PCYT1B: variants seen among roughly 807,000 people sequenced by gnomAD.
PCYT1B encodes the protein choline-phosphate cytidylyltransferase B.
Under a neutral mutation model 26.4 loss-of-function variants are expected in PCYT1B, and 10 were observed. The observed-to-expected ratio is 0.38, with a 90% CI of 0.23 to 0.64. The LOEUF is 0.64. PCYT1B is among the 30% of genes least tolerant of loss of function. PCYT1B has a pLI of 0.56. For missense variants in PCYT1B, 161 were observed against 292.7 expected (o/e 0.55, Z 3.28); for synonymous variants, 131 against 108.4 (o/e 1.21, Z -1.29).
intron 1 of PCYT1B, among the ~76,000 whole-genome samples, chrX:24,639,012 C>T (rs1926384881): frequency 8.9e-6 from 1 of 112,811 alleles, no homozygotes; most frequent in Admixed American, 9.4e-5. Context: ...GTGGTTTGTA[C>T]AACATCAATG....
intron 1 of PCYT1B, among the ~76,000 whole-genome samples, chrX:24,645,665 T>C (rs548990396): frequency 5.3e-5 from 6 of 112,243 alleles, no homozygotes; most frequent in African/African-American, 1.6e-4. Flanking sequence ...ATTGGGATGG[T>C]TTGTATCTCA....
intron 5 of PCYT1B, among the ~76,000 whole-genome samples, chrX:24,581,829 A>G (rs867271479): frequency 7.6e-4 from 85 of 112,243 alleles, no homozygotes; most frequent in African/African-American, 2.5e-3. Context: ...TGCAGCCCCA[A>G]TGAGGGTGTC....
intron 1 of PCYT1B, among the ~76,000 whole-genome samples, chrX:24,665,286 A>C (rs868657230): frequency 2.6e-5 from 2 of 76,958 alleles, no homozygotes; most frequent in Non-Finnish European, 6.3e-5. Flanking sequence ...TACTCATTTT[A>C]TTTTTCTTTT....
intron 1 of PCYT1B, among the ~76,000 whole-genome samples, chrX:24,622,343 TA>T (rs924928092): frequency 9.1e-6 from 1 of 110,195 alleles, no homozygotes; most frequent in South Asian, 3.9e-4. Flanking sequence ...AGATTACAAT[TA>T]AAAAAAAACT....
In PCYT1B at chrX:24,560,611, C is replaced by T. The variant is rs1304090962; in HGVS notation, c.*1682G>A. 8.9e-6 allele frequency: 1 copy of T among 112,020 alleles called. No individual in the cohort carries two copies. The allele number at this position is 112,020 out of a possible 1,213,427, so 9.2% of individuals were successfully genotyped here. A position where few individuals can be genotyped will look rare whatever the true frequency, so the allele number is the denominator to read the frequency against. ...CCTCATAGTTTTGCTTCACAGCAGA[C>T]AGCACTCATCTCCAAGTGGATAGGG... On this transcript the variant is annotated 3_prime_UTR_variant, in exon 8 of 8. Coordinates refer to ENST00000379144, the MANE Select transcript of PCYT1B (RefSeq NM_004845.5).
intron 6 of PCYT1B, 43 bp from the exon 7 acceptor site, chrX:24,575,361 G>A: frequency 1.1e-6 from 1 of 932,845 alleles, no homozygotes. Flanking sequence ...ATTTATCCAA[G>A]AGGACATGAG....
chrX:24,661,481 T>C (rs1192563900), intron 1 of PCYT1B, among the ~76,000 whole-genome samples: 1 of 112,110 alleles, frequency 8.9e-6, no homozygotes, highest in East Asian at 2.8e-4. Context: ...AAACATTATG[T>C]ACTCCTAATA....
chrX:24,617,345 T>C (rs927199357), intron 2 of PCYT1B, among the ~76,000 whole-genome samples: 7 of 101,187 alleles, frequency 6.9e-5, no homozygotes. Context: ...CTTCATTCCA[T>C]GGATTCTCTT....
chrX:24,622,276 A>C (rs1315047852), intron 1 of PCYT1B, among the ~76,000 whole-genome samples: 2 of 112,162 alleles, frequency 1.8e-5, no homozygotes, highest in African/African-American at 6.5e-5. Context: ...GTTAAGGCCC[A>C]GCTACTACCA....
chrX:24,649,743 C>T (rs777246494), upstream of PCYT1B, among the ~76,000 whole-genome samples: 1 of 111,955 alleles, frequency 8.9e-6, no homozygotes, highest in Non-Finnish European at 1.9e-5. Context: ...TAATCCTCCC[C>T]TGTCCCATTG....
At chrX:24,672,847 G>A (rs1231577901), upstream of PCYT1B, among the ~76,000 whole-genome samples, 1 of 111,878 alleles carries the variant, frequency 8.9e-6, no homozygotes, top group African/African-American at 3.2e-5. Flanking sequence ...CTTACCACAA[G>A]CCTCCTCTTG....
Position 24,589,932 on chromosome X carries a change from T to C in PCYT1B, c.486+91A>G, listed in dbSNP as rs1005534137. ...TTCCTGAAGTTACCTCTTTTAGAAA[T>C]TGAGAGAGACTTTGGGCTTTCCGTA... On this transcript the variant is annotated intron_variant, in intron 4 of 7. Transcript: ENST00000379144. 4 of 765,550 alleles carry C rather than the reference T, an allele frequency of 5.2e-6. No homozygotes were observed. The African/African-American group carries it at 8.5e-5, about 16-fold the overall frequency. The allele number at this position is 765,550 out of a possible 1,213,427, so 63.1% of individuals were successfully genotyped here. A position where few individuals can be genotyped will look rare whatever the true frequency, so the allele number is the denominator to read the frequency against.
At chrX:24,660,764 C>T (rs1425438824) in intron 1 of PCYT1B, among the ~76,000 whole-genome samples, 2 of 110,532 alleles carry the variant, frequency 1.8e-5, no homozygotes, top group Non-Finnish European at 3.8e-5. Context: ...TCACAGAAGC[C>T]CACCCTTGCT....
chrX:24,580,815 G>C (rs760743230), intron 5 of PCYT1B, among the ~76,000 whole-genome samples: 1 of 111,365 alleles, frequency 9.0e-6, no homozygotes, highest in South Asian at 3.8e-4. Context: ...CAAAGCCTGG[G>C]GACAAGGGCA....
intron 7 of PCYT1B, among the ~76,000 whole-genome samples, chrX:24,574,348 G>T (rs1212849522): frequency 9.0e-6 from 1 of 111,411 alleles, no homozygotes; most frequent in East Asian, 2.8e-4. Context: ...GTATTTACTT[G>T]GGAAGGGCAT....
At chrX:24,616,873 T>C (rs138539157) in intron 2 of PCYT1B, among the ~76,000 whole-genome samples, 1,985 of 112,099 alleles carry the variant, frequency 0.018, 42 homozygotes, top group African/African-American at 0.061. Flanking sequence ...CTTCACTCTA[T>C]TGAAGGCTAT....
At chrX:24,624,859 T>C (rs935561869) in intron 1 of PCYT1B, among the ~76,000 whole-genome samples, 2 of 112,432 alleles carry the variant, frequency 1.8e-5, no homozygotes, top group African/African-American at 6.5e-5. Context: ...ATACTATTCC[T>C]TGAGGTTTCC....
At chrX:24,612,389 T>C (rs1396939617) in intron 2 of PCYT1B, among the ~76,000 whole-genome samples, 1 of 112,205 alleles carries the variant, frequency 8.9e-6, no homozygotes, top group African/African-American at 3.2e-5. Flanking sequence ...ATTTGCAAAA[T>C]ATAGGACTTG....
chrX:24,629,559 C>CAAAAAA (rs1165553186), intron 1 of PCYT1B, among the ~76,000 whole-genome samples: 1,771 of 16,103 alleles, frequency 0.11, 506 homozygotes, highest in East Asian at 0.23. Context: ...GACCCTGTCT[C>CAAAAAA]AAAAAAAAAA....
Sources: gnomAD v4.1 joint callset for allele counts (sites outside exome capture counted in the v4.1 genomes callset) on GRCh38, gnomAD v4.1.1 for gene constraint, MANE v1.5 for transcripts, NCBI Gene and HGNC (gene_info 2026-07-23, HGNC 2026-07-21) for gene names.